The following RSBN1L variants were observed in gnomAD, a reference collection of about 807,000 sequenced individuals.
The protein encoded by RSBN1L is round spermatid basic protein 1 like, also known as lysine-specific demethylase RSBN1L.
A neutral mutation model predicts 67.7 loss-of-function variants in RSBN1L; 30 were observed. That is an observed-to-expected ratio of 0.44 (90% CI 0.33 to 0.60). RSBN1L has a LOEUF of 0.60. Ranked by LOEUF, RSBN1L falls within the 20% of genes least tolerant of loss-of-function variation. The probability of loss-of-function intolerance (pLI) is 0.02; values close to 1 mark genes in which losing one functional copy is unlikely to be tolerated. For synonymous variants in RSBN1L, 433 were observed against 387.0 expected (o/e 1.12, Z -1.39); for missense variants, 992 against 1,031.7 (o/e 0.96, Z 0.53).
chr7:77,713,494 C>A (rs966980685), intron 1 of RSBN1L, among the ~76,000 whole-genome samples: 1 of 151,712 alleles, frequency 6.6e-6, no homozygotes, highest in South Asian at 2.1e-4. Flanking sequence ...GTAGCTGGGA[C>A]TACAGGCGCC....
At chr7:77,748,378 A>G (rs17157263) in intron 2 of RSBN1L, among the ~76,000 whole-genome samples, 3,023 of 152,350 alleles carry the variant, frequency 0.02, 85 homozygotes, top group African/African-American at 0.068. Context: ...TTGATATTTC[A>G]ACATTCTGGG....
chr7:77,713,871 C>G (rs1253726623), intron 1 of RSBN1L, among the ~76,000 whole-genome samples: 1 of 152,006 alleles, frequency 6.6e-6, no homozygotes, highest in Non-Finnish European at 1.5e-5. Context: ...TCTTAAATAG[C>G]CTATTGTTAT....
chr7:77,711,416 T>C (rs995753834), intron 1 of RSBN1L, among the ~76,000 whole-genome samples: 4 of 151,876 alleles, frequency 2.6e-5, no homozygotes, highest in African/African-American at 4.8e-5. Flanking sequence ...TATAGCCCAC[T>C]GTAACGTCGA....
intron 1 of RSBN1L, among the ~76,000 whole-genome samples, chr7:77,730,032 T>G (rs1245571232): frequency 6.6e-6 from 1 of 152,218 alleles, no homozygotes; most frequent in Non-Finnish European, 1.5e-5. Context: ...TTTATATATG[T>G]TTAAAAAGTG....
chr7:77,762,170 G>C (rs1426010116), intron 3 of RSBN1L, among the ~76,000 whole-genome samples: 1 of 152,096 alleles, frequency 6.6e-6, no homozygotes, highest in Non-Finnish European at 1.5e-5. Context: ...TTTGGCATGA[G>C]GTGGGAAGAA....
chr7:77,746,577 T>G (rs1248650694), intron 2 of RSBN1L, among the ~76,000 whole-genome samples: 2 of 152,172 alleles, frequency 1.3e-5, no homozygotes, highest in African/African-American at 4.8e-5. Flanking sequence ...CTTCTCACAT[T>G]GCAAAATTCA....
At chr7:77,723,331 A>G (rs1412650195) in intron 1 of RSBN1L, among the ~76,000 whole-genome samples, 1 of 151,964 alleles carries the variant, frequency 6.6e-6, no homozygotes. Flanking sequence ...AAATTAATGA[A>G]CCTATATAAA....
At chr7:77,752,100 A>G (rs1486857521) in intron 3 of RSBN1L, among the ~76,000 whole-genome samples, 6 of 152,254 alleles carry the variant, frequency 3.9e-5, no homozygotes, top group Non-Finnish European at 7.3e-5. Flanking sequence ...AAATAAAATG[A>G]GATGCTGGAC....
chr7:77,727,044 G>GT (rs1396285568), intron 1 of RSBN1L, among the ~76,000 whole-genome samples: 8 of 149,146 alleles, frequency 5.4e-5, no homozygotes, highest in Non-Finnish European at 1.2e-4. Flanking sequence ...GCCTCCCAAA[G>GT]TGCTGGGATT....
At chr7:77,763,311 C>T (rs1791719981) in intron 3 of RSBN1L, among the ~76,000 whole-genome samples, 1 of 151,992 alleles carries the variant, frequency 6.6e-6, no homozygotes, top group African/African-American at 2.4e-5. Flanking sequence ...TTTCAAAGCA[C>T]TTGGAAAATT....
At chr7:77,714,076 T>G (rs916578287) in intron 1 of RSBN1L, among the ~76,000 whole-genome samples, 9 of 152,240 alleles carry the variant, frequency 5.9e-5, no homozygotes, top group Non-Finnish European at 1.3e-4. Context: ...GGTCTGTTTT[T>G]AGATTTGCAC....
intron 3 of RSBN1L, among the ~76,000 whole-genome samples, chr7:77,750,456 C>A (rs556223629): frequency 5.3e-5 from 8 of 151,986 alleles, no homozygotes; most frequent in African/African-American, 1.7e-4. Flanking sequence ...GCACCAGGCC[C>A]ATCACATGGT....
rs191028040 is a variant in RSBN1L, at chr7:77,773,137, T to A, written c.1626-10T>A. On this transcript the variant is annotated splice_polypyrimidine_tract_variant and intron_variant, in intron 5 of 7. Coordinates refer to ENST00000334955, the MANE Select transcript of RSBN1L (RefSeq NM_198467.3). ...CTATATAAATGTAATTTTCTTTTTT[T>A]AAAAAACAGAACTACCAATGAAATA... 2.9e-4 allele frequency: 451 copies of A among 1,529,744 alleles called. 1 individual carries two copies. The African/African-American group carries it at 5.6e-3, about 19-fold the overall frequency. The allele number at this position is 1,529,744 out of a possible 1,614,324, so 94.8% of individuals were successfully genotyped here.
intron 1 of RSBN1L, among the ~76,000 whole-genome samples, chr7:77,711,504 T>A (rs56400413): frequency 0.24 from 36,453 of 151,748 alleles, 4,619 homozygotes; most frequent in South Asian, 0.28. Flanking sequence ...TACACCTGGC[T>A]GATTTAAAAA....
chr7:77,740,134 A>T (rs1791390112), intron 2 of RSBN1L, among the ~76,000 whole-genome samples: 1 of 152,166 alleles, frequency 6.6e-6, no homozygotes, highest in African/African-American at 2.4e-5. Context: ...ACCTTATAAA[A>T]GTTTATTTGG....
intron 2 of RSBN1L, among the ~76,000 whole-genome samples, chr7:77,745,825 T>G (rs980553726): frequency 1.4e-4 from 22 of 152,208 alleles, no homozygotes; most frequent in African/African-American, 4.3e-4. Context: ...CTTGTTAATC[T>G]GTATTTGGAG....
chr7:77,714,958 CA>C (rs35501995), intron 1 of RSBN1L, among the ~76,000 whole-genome samples: 50,771 of 91,484 alleles, frequency 0.55, 11,543 homozygotes, highest in African/African-American at 0.68. Flanking sequence ...GACTCCATCT[CA>C]AAAAAAAAAA....
At chr7:77,760,957 CT>C (rs1791690540) in intron 3 of RSBN1L, among the ~76,000 whole-genome samples, 2 of 152,124 alleles carry the variant, frequency 1.3e-5, no homozygotes, top group Admixed American at 6.5e-5. Context: ...CATGTTTTGA[CT>C]TTTTTTCAGG....
intron 2 of RSBN1L, among the ~76,000 whole-genome samples, chr7:77,742,026 T>A (rs886206391): frequency 4.0e-5 from 6 of 151,784 alleles, no homozygotes; most frequent in African/African-American, 1.5e-4. Flanking sequence ...TACTTATGGC[T>A]ATGATTTGTT....
Sources: allele counts gnomAD v4.1 joint callset (sites outside exome capture counted in the v4.1 genomes callset), GRCh38; gene constraint gnomAD v4.1.1; transcripts MANE v1.5; gene names NCBI Gene and HGNC (gene_info 2026-07-23, HGNC 2026-07-21).